Variants in AK8 observed in about 807,000 individuals in gnomAD.
AK8 encodes the protein ATP-AMP transphosphorylase 8.
AK8 carries 44 observed loss-of-function variants against 54.6 expected under a neutral mutation model. The observed-to-expected ratio is 0.81, with a 90% CI of 0.63 to 1.04. AK8 has a LOEUF of 1.04. Ranked by LOEUF, AK8 falls within the 50% of genes least tolerant of loss-of-function variation. AK8 has a pLI of 0.00. For missense variants in AK8, 555 were observed against 613.6 expected, an observed-to-expected ratio of 0.90 and a Z score of 1.01; for synonymous variants, 239 against 245.6, an observed-to-expected ratio of 0.97 and a Z score of 0.25.
intron 4 of AK8, among the ~76,000 whole-genome samples, chr9:132,863,194 C>T (rs747473874): frequency 2.0e-5 from 3 of 152,246 alleles, no homozygotes; most frequent in Non-Finnish European, 4.4e-5. Context: ...GCAGGGTGCC[C>T]AAGGCTATGG....
At chr9:132,766,881 G>C (rs558879001) in intron 11 of AK8, among the ~76,000 whole-genome samples, 2 of 152,254 alleles carry the variant, frequency 1.3e-5, no homozygotes, top group South Asian at 4.1e-4. Flanking sequence ...AGTGGAGAAG[G>C]GGCAGTCTCT....
chr9:132,741,163 G>C (rs1405565441), intron 11 of AK8, among the ~76,000 whole-genome samples: 1 of 152,224 alleles, frequency 6.6e-6, no homozygotes, highest in Admixed American at 6.5e-5. Flanking sequence ...CAGCTCTCAG[G>C]TGCAGGTATG....
intron 5 of AK8, among the ~76,000 whole-genome samples, chr9:132,847,610 G>A (rs959536244): frequency 1.3e-5 from 2 of 152,150 alleles, no homozygotes; most frequent in Non-Finnish European, 2.9e-5. Flanking sequence ...TTAAGCCAAA[G>A]GAGTACCACC....
intron 11 of AK8, among the ~76,000 whole-genome samples, chr9:132,767,941 C>A (rs150596152): frequency 6.6e-6 from 1 of 152,052 alleles, no homozygotes; most frequent in Non-Finnish European, 1.5e-5. Context: ...ATGATGGTTA[C>A]CAGAGGCTGG....
At chr9:132,734,342 C>T (rs541638282) in intron 11 of AK8, among the ~76,000 whole-genome samples, 2 of 152,300 alleles carry the variant, frequency 1.3e-5, no homozygotes, top group South Asian at 4.1e-4. Flanking sequence ...TCCTTGGCCG[C>T]ACCCTGAAGC....
chr9:132,758,619 T>A (rs1264477789), intron 11 of AK8, among the ~76,000 whole-genome samples: 3 of 151,798 alleles, frequency 2.0e-5, no homozygotes, highest in African/African-American at 7.3e-5. Context: ...CTGGCTAATT[T>A]TTTTTTTTTC....
intron 11 of AK8, among the ~76,000 whole-genome samples, chr9:132,730,901 CT>C (rs1399030233): frequency 1.3e-5 from 2 of 152,204 alleles, no homozygotes; most frequent in Admixed American, 1.3e-4. Flanking sequence ...AAAGCCGGGG[CT>C]GCCCCCGATC....
At chr9:132,819,410 A>G (rs947083459) in intron 9 of AK8, among the ~76,000 whole-genome samples, 4 of 152,230 alleles carry the variant, frequency 2.6e-5, no homozygotes, top group African/African-American at 7.2e-5. Flanking sequence ...CCTAGAACCA[A>G]TCCCCCATGG....
intron 2 of AK8, among the ~76,000 whole-genome samples, chr9:132,873,231 C>A (rs1008480035): frequency 6.6e-6 from 1 of 152,230 alleles, no homozygotes; most frequent in Non-Finnish European, 1.5e-5. Flanking sequence ...CGTCATATTC[C>A]TGGAAGCTGC....
chr9:132,746,394 A>C (rs1036117699), intron 11 of AK8, among the ~76,000 whole-genome samples: 1 of 152,214 alleles, frequency 6.6e-6, no homozygotes, highest in Admixed American at 6.5e-5. Flanking sequence ...ATCAAGGCTC[A>C]TACCCTTCTG....
intron 5 of AK8, among the ~76,000 whole-genome samples, chr9:132,839,385 CTT>C (rs1212729953): frequency 3.9e-5 from 6 of 152,240 alleles, no homozygotes; most frequent in Non-Finnish European, 8.8e-5. Flanking sequence ...AAGTAACACT[CTT>C]TTAACACACT....
intron 5 of AK8, among the ~76,000 whole-genome samples, chr9:132,833,483 TC>T (rs1366977895): frequency 6.6e-6 from 1 of 152,150 alleles, no homozygotes; most frequent in African/African-American, 2.4e-5. Context: ...TTATCCATCT[TC>T]CTGACACTTC....
chr9:132,856,267 C>CAG (rs908211648), intron 4 of AK8, among the ~76,000 whole-genome samples: 1 of 152,228 alleles, frequency 6.6e-6, no homozygotes, highest in African/African-American at 2.4e-5. Flanking sequence ...TTATGCAGAG[C>CAG]AGAGACTCGG....
At chr9:132,845,067 C>T (rs956199870) in intron 5 of AK8, among the ~76,000 whole-genome samples, 2 of 152,204 alleles carry the variant, frequency 1.3e-5, no homozygotes, top group African/African-American at 2.4e-5. Flanking sequence ...CCACAGCACA[C>T]GGTCCTGCTG....
chr9:132,767,202 A>G (rs955093274), intron 11 of AK8, among the ~76,000 whole-genome samples: 4 of 150,632 alleles, frequency 2.7e-5, no homozygotes, highest in Admixed American at 6.6e-5. Flanking sequence ...CTATGGAATC[A>G]AAGGAAGTAT....
chr9:132,807,056 C>A (rs989493075), intron 10 of AK8, among the ~76,000 whole-genome samples: 1 of 152,172 alleles, frequency 6.6e-6, no homozygotes, highest in Non-Finnish European at 1.5e-5. Context: ...CCAGGACTTT[C>A]GCTTTTAGGG....
intron 9 of AK8, among the ~76,000 whole-genome samples, chr9:132,819,920 A>G (rs574382110): frequency 6.6e-6 from 1 of 152,236 alleles, no homozygotes; most frequent in East Asian, 1.9e-4. Context: ...AAGAAACCAG[A>G]GGCTGAGGTG....
intron 9 of AK8, among the ~76,000 whole-genome samples, chr9:132,815,677 C>G (rs1047823952): frequency 2.6e-5 from 4 of 152,274 alleles, no homozygotes; most frequent in Non-Finnish European, 5.9e-5. Flanking sequence ...CCCACTGTGT[C>G]TCGAGCCCTG....
chr9:132,800,895 C>G (rs1332187333), intron 10 of AK8, among the ~76,000 whole-genome samples: 2 of 150,200 alleles, frequency 1.3e-5, no homozygotes, highest in Non-Finnish European at 3.0e-5. Flanking sequence ...CAGAGATGCC[C>G]AACAGTGAAT....
Sources: gnomAD v4.1 joint callset for allele counts (sites outside exome capture counted in the v4.1 genomes callset) on GRCh38, gnomAD v4.1.1 for gene constraint, MANE v1.5 for transcripts, NCBI Gene and HGNC (gene_info 2026-07-23, HGNC 2026-07-21) for gene names.